Variants in RASGRF2 observed in about 807,000 individuals in gnomAD.
The protein encoded by RASGRF2 is ras-specific guanine nucleotide-releasing factor 2.
In RASGRF2, 76 loss-of-function variants were observed where a neutral mutation model predicts 151.0. That is an observed-to-expected ratio of 0.50 (90% confidence interval 0.42 to 0.61). The LOEUF (loss-of-function observed/expected upper bound fraction) is 0.61, where lower values mean the gene tolerates loss of function less well. Ranked by LOEUF, RASGRF2 falls within the 20% of genes least tolerant of loss-of-function variation. The probability of loss-of-function intolerance (pLI) is 0.00; values close to 1 mark genes in which losing one functional copy is unlikely to be tolerated. For missense variants in RASGRF2, 1,148 were observed against 1,564.6 expected (o/e 0.73, Z 4.49); for synonymous variants, 504 against 566.5 (o/e 0.89, Z 1.57).
Position 81,086,903 on chromosome 5 carries a change from T to C in RASGRF2, c.1340T>C (p.Val447Ala), listed in dbSNP as rs746291839. The change falls in exon 9 of 27, where the codon GTG becomes GCG. Residue 447 changes from valine to alanine, a missense_variant. Val to Ala is a moderately conservative substitution (Grantham distance 64). Coordinates refer to ENST00000265080, the MANE Select transcript of RASGRF2 (RefSeq NM_006909.3). ...RKNLAIERMI[V>A]EGCDILLDTS... ...AACCTTGCCATCGAAAGAATGATCG[T>C]GGAGGGCTGTGACATCTTGCTGGAC... is the stretch of plus-strand genomic sequence containing the variant. 1.9e-6 allele frequency: 3 copies of C among 1,614,086 alleles called. No individual in the cohort carries two copies. The African/African-American group carries it at 4.0e-5, about 22-fold the overall frequency.
At chr5:81,197,379 C>T (rs935155423) in intron 18 of RASGRF2, among the ~76,000 whole-genome samples, 10 of 143,616 alleles carry the variant, frequency 7.0e-5, no homozygotes, top group Admixed American at 5.1e-4. Flanking sequence ...TGGCGTGAAC[C>T]CGGGAAGCGG....
chr5:81,217,128 A>G, intron 24 of RASGRF2: 1 of 568,954 alleles, frequency 1.8e-6, no homozygotes, highest in Non-Finnish European at 2.9e-6. Flanking sequence ...TGAATATGCC[A>G]TTTTTTTTCA....
intron 2 of RASGRF2, among the ~76,000 whole-genome samples, chr5:81,050,664 G>A (rs1750982254): frequency 6.6e-6 from 1 of 152,172 alleles, no homozygotes; most frequent in African/African-American, 2.4e-5. Flanking sequence ...TCAGGATGGA[G>A]CTCTTAGCAG....
At chr5:81,012,660 T>A (rs1206074216) in intron 1 of RASGRF2, among the ~76,000 whole-genome samples, 1 of 152,138 alleles carries the variant, frequency 6.6e-6, no homozygotes, top group African/African-American at 2.4e-5. Context: ...CACTTCAGAC[T>A]GAGGTGGGAC....
chr5:81,229,406 A>G lies in RASGRF2; in HGVS notation c.*3636A>G, dbSNP rs1756064525. On this transcript the variant is annotated 3_prime_UTR_variant, in exon 27 of 27. Transcript: ENST00000265080. The stretch of plus-strand genomic sequence containing the variant: ...GTTTAATGGCTCCATTATAGATACC[A>G]CCGTGTAATAGAAGACTTAAGTCAA... The G allele has an allele frequency of 6.6e-6, 1 of 152,222 alleles. No individual in the cohort carries two copies. The highest frequency in any genetic ancestry group is 6.5e-5 in the Admixed American group (1 of 15,284). The allele number at this position is 152,222 out of a possible 1,614,324, so 9.4% of individuals were successfully genotyped here. A position where few individuals can be genotyped will look rare whatever the true frequency, so the allele number is the denominator to read the frequency against.
In RASGRF2 at chr5:81,063,038, G is replaced by GAA. The variant is rs60775009; in HGVS notation, c.396-4984_396-4983dup. ...CAAGTTAATGATGAAAAGTATGACA[G>GAA]AAAAAAAAAAACTATGACAGCATGA... is the stretch of plus-strand genomic sequence containing the variant. On this transcript the variant is annotated intron_variant, in intron 2 of 26. Coordinates refer to ENST00000265080, the MANE Select transcript of RASGRF2 (RefSeq NM_006909.3). Among the ~76,000 whole-genome samples, 74 of 145,688 alleles carry GAA rather than the reference G, an allele frequency of 5.1e-4. 1 individual carries two copies. Among genetic ancestry groups the GAA allele is most frequent in the Admixed American group, 5.5e-4 (8 of 14,628 alleles).
chr5:81,217,211 T>C (rs1383477652), intron 24 of RASGRF2, 145 bp from the exon 25 acceptor site: 1 of 1,238,428 alleles, frequency 8.1e-7, no homozygotes, highest in Non-Finnish European at 1.1e-6. Context: ...TTCTGCGTAT[T>C]ATGAATATGC....
intron 1 of RASGRF2, among the ~76,000 whole-genome samples, chr5:80,968,056 C>T (rs766679883): frequency 2.0e-5 from 3 of 152,214 alleles, no homozygotes; most frequent in Admixed American, 6.5e-5. Flanking sequence ...TATGGAGATC[C>T]GGATAGTACC....
At chr5:81,183,354 A>G in intron 18 of RASGRF2, 1 of 951,366 alleles carries the variant, frequency 1.1e-6, no homozygotes, top group Non-Finnish European at 1.3e-6. Context: ...CTTGAGCTTT[A>G]TTCAGGAGAA....
intron 17 of RASGRF2, among the ~76,000 whole-genome samples, chr5:81,136,037 G>C (rs1014189996): frequency 2.6e-5 from 4 of 152,058 alleles, no homozygotes; most frequent in Non-Finnish European, 5.9e-5. Context: ...TTTTGAGATG[G>C]AGTCTCACTC....
chr5:80,975,968 C>T (rs1198903267), intron 1 of RASGRF2, among the ~76,000 whole-genome samples: 2 of 151,380 alleles, frequency 1.3e-5, no homozygotes, highest in Admixed American at 1.3e-4. Flanking sequence ...CCTCAGCTTT[C>T]TGAGTAGCTG....
At chr5:81,011,728 C>T (rs142971986) in intron 1 of RASGRF2, among the ~76,000 whole-genome samples, 2,157 of 144,052 alleles carry the variant, frequency 0.015, 65 homozygotes, top group African/African-American at 0.05. Context: ...GCAACAAGAG[C>T]GAAACTCCAT....
chr5:80,963,040 G>A (rs1747613507), intron 1 of RASGRF2, among the ~76,000 whole-genome samples: 1 of 152,236 alleles, frequency 6.6e-6, no homozygotes, highest in Non-Finnish European at 1.5e-5. Context: ...GCTGCTGTGA[G>A]TTGGGTTAGC....
intron 2 of RASGRF2, among the ~76,000 whole-genome samples, chr5:81,056,861 T>G (rs964403110): frequency 4.6e-5 from 7 of 152,236 alleles, no homozygotes; most frequent in Non-Finnish European, 1.0e-4. Context: ...CTTGTTGAAT[T>G]GATCCCTTTA....
intron 25 of RASGRF2, among the ~76,000 whole-genome samples, chr5:81,218,743 T>C (rs1755798027): frequency 6.6e-6 from 1 of 152,146 alleles, no homozygotes; most frequent in Non-Finnish European, 1.5e-5. Context: ...AGAATGATGG[T>C]GGTATTTTGA....
rs144728554 is a variant in RASGRF2, at chr5:80,977,501, C to A, written c.288+16475C>A. ...TATTGAGATGGAATTTTGCTCTTGT[C>A]CCCCAGGCTGGAGTGCAATGACACA... On this transcript the variant is annotated intron_variant, in intron 1 of 26. Coordinates refer to ENST00000265080, the MANE Select transcript of RASGRF2 (RefSeq NM_006909.3). 8.9e-3 allele frequency among the ~76,000 whole-genome samples: 1,306 copies of A among 146,570 alleles called. 17 individuals carry two copies. Among genetic ancestry groups the A allele is most frequent in the African/African-American group, 0.028 (1,106 of 39,238 alleles).
chr5:81,175,755 C>CAAAAA (rs33931356), intron 17 of RASGRF2, among the ~76,000 whole-genome samples: 1 of 99,546 alleles, frequency 1.0e-5, no homozygotes, highest in African/African-American at 3.7e-5. Flanking sequence ...AACTCCGTCT[C>CAAAAA]AAAAAAAAAA....
At chr5:81,058,550 C>G (rs538550623) in intron 2 of RASGRF2, among the ~76,000 whole-genome samples, 94 of 151,986 alleles carry the variant, frequency 6.2e-4, no homozygotes, top group African/African-American at 2.1e-3. Context: ...AACTAGGGAG[C>G]CCTAATGAAA....
At chr5:81,076,123 A>G (rs1751929644) in intron 5 of RASGRF2, among the ~76,000 whole-genome samples, 1 of 152,186 alleles carries the variant, frequency 6.6e-6, no homozygotes, top group Non-Finnish European at 1.5e-5. Context: ...TTTAATGGTA[A>G]CTCTGATTAG....
Sources: gnomAD v4.1 joint callset for allele counts (sites outside exome capture counted in the v4.1 genomes callset) on GRCh38, gnomAD v4.1.1 for gene constraint, MANE v1.5 for transcripts, NCBI Gene and HGNC (gene_info 2026-07-23, HGNC 2026-07-21) for gene names.